ADGRE1: variants seen among roughly 807,000 people sequenced by gnomAD.
ADGRE1 encodes EGF-like module receptor 1.
Under a neutral mutation model 102.7 loss-of-function variants are expected in ADGRE1, and 82 were observed. That is an observed-to-expected ratio of 0.80 (90% CI 0.67 to 0.96). The LOEUF (loss-of-function observed/expected upper bound fraction) is 0.96, where lower values mean the gene tolerates loss of function less well. Ranked by LOEUF, ADGRE1 falls within the 40% of genes least tolerant of loss-of-function variation. ADGRE1 has a pLI of 0.00. For synonymous variants in ADGRE1, 398 were observed against 399.6 expected, an observed-to-expected ratio of 1.00 and a Z score of 0.05; for missense variants, 1,032 against 1,085.3, an observed-to-expected ratio of 0.95 and a Z score of 0.69.
At chr19:6,896,340 T>C (rs1599714112) in intron 2 of ADGRE1, 58 bp from the exon 3 acceptor site, 1 of 1,572,280 alleles carries the variant, frequency 6.4e-7, no homozygotes, top group East Asian at 2.3e-5. Flanking sequence ...CTGGGTTCCC[T>C]TGCAGCCTCA....
At chr19:6,919,481 T>TGTGTGTGTGTGTGTGTGTGTG (rs1599748096) in intron 12 of ADGRE1, 67 bp from the exon 13 acceptor site, 45 of 1,016,130 alleles carry the variant, frequency 4.4e-5, no homozygotes, top group South Asian at 6.7e-5. Flanking sequence ...TGTGTGTGTG[T>TGTGTGTGTGTGTGTGTGTGTG]TGGGTCTTCT....
intron 2 of ADGRE1, chr19:6,896,163 C>T (rs979452774): frequency 2.0e-5 from 9 of 446,880 alleles, no homozygotes; most frequent in African/African-American, 1.4e-4. Flanking sequence ...ACACCTGTGG[C>T]CCACCCTACT....
rs757912963 is a variant in ADGRE1 at position 6,924,793 on chromosome 19, A to T, written c.1907A>T (p.Tyr636Phe). The T allele has an allele frequency of 6.2e-7, 1 of 1,613,404 alleles. No homozygotes were observed. Among genetic ancestry groups the T allele is most frequent in the East Asian group, 2.2e-5 (1 of 44,808 alleles). The part of the protein sequence containing the change: ...LCRSIRNHNT[Y>F]LHLHLCVCLL... ...CGCTCCATCCGAAATCACAACACCT[A>T]CCTCCACCTGCACCTCTGCGTGTGT... The change falls in exon 15 of 21, where the codon TAC (tyrosine) becomes TTC (phenylalanine). Residue 636 changes from tyrosine (Y) to phenylalanine (F), a missense_variant. Physicochemically the swap from Tyr to Phe is conservative, Grantham distance 22. Transcript: ENST00000312053.
intron 3 of ADGRE1, 182 bp from the exon 4 acceptor site, chr19:6,896,967 A>G (rs914140366): frequency 2.2e-5 from 14 of 628,196 alleles, no homozygotes; most frequent in African/African-American, 1.3e-4. Context: ...CACTTCCACC[A>G]TAGTCACAAG....
intron 12 of ADGRE1, among the ~76,000 whole-genome samples, chr19:6,918,302 G>A (rs947949722): frequency 2.0e-5 from 3 of 152,068 alleles, no homozygotes; most frequent in African/African-American, 7.2e-5. Flanking sequence ...TTAGCTGGGT[G>A]TGGTCTCGGG....
chr19:6,908,120 G>A lies in ADGRE1; in HGVS notation c.1039-569G>A, dbSNP rs540120269. ...CAGGGCGGAAAAATCGCTTAAAGGC[G>A]TTCTTAAACCACAAACAATAGCATG... is the stretch of plus-strand genomic sequence containing the variant. On this transcript the variant is annotated intron_variant, in intron 9 of 20. Coordinates refer to ENST00000312053, the MANE Select transcript of ADGRE1 (RefSeq NM_001974.5). Among the ~76,000 whole-genome samples, 12 of 152,354 alleles carry A rather than the reference G, an allele frequency of 7.9e-5. No homozygotes were observed. The South Asian group carries it at 1.2e-3, about 16-fold the overall frequency.
In ADGRE1 at chr19:6,924,924, G is replaced by A. The variant is rs1309221339; in HGVS notation, c.1986+52G>A. 18 of 1,583,882 alleles carry A rather than the reference G, an allele frequency of 1.1e-5. No homozygotes were observed. In the East Asian group the frequency reaches 4.0e-4, roughly 35 times the overall value. ...ACCAAGCCCCATCTTCTCCCCACCT[G>A]CCTCAGCTCATTCCTAGCCAACTCC... On this transcript the variant is annotated intron_variant, in intron 15 of 20. Transcript: ENST00000312053.
intron 14 of ADGRE1, among the ~76,000 whole-genome samples, chr19:6,924,305 T>C (rs1228368193): frequency 6.6e-6 from 1 of 152,110 alleles, no homozygotes; most frequent in East Asian, 1.9e-4. Flanking sequence ...GGAATTAGGC[T>C]CACTCCTGTC....
At chr19:6,897,071 CTTTT>C (rs11397719) in intron 3 of ADGRE1, 74 bp from the exon 4 acceptor site, 1,497 of 774,028 alleles carry the variant, frequency 1.9e-3, no homozygotes, top group Non-Finnish European at 2.1e-3. Context: ...ATTGTTTTAA[CTTTT>C]TTTTTTTTTT....
At chr19:6,907,491 C>A (rs187563345) in intron 9 of ADGRE1, among the ~76,000 whole-genome samples, 1 of 152,006 alleles carries the variant, frequency 6.6e-6, no homozygotes, top group Non-Finnish European at 1.5e-5. Flanking sequence ...AGGCACCCAC[C>A]ACCATGCCTG....
intron 17 of ADGRE1, among the ~76,000 whole-genome samples, chr19:6,932,764 C>T (rs1313137471): frequency 6.6e-6 from 1 of 152,188 alleles, no homozygotes; most frequent in Non-Finnish European, 1.5e-5. Flanking sequence ...CTGTACCAGC[C>T]AACTTTCTAC....
At chr19:6,910,412 A>C (rs947024697) in intron 10 of ADGRE1, among the ~76,000 whole-genome samples, 2 of 152,130 alleles carry the variant, frequency 1.3e-5, no homozygotes, top group African/African-American at 4.8e-5. Flanking sequence ...CGAATCTATA[A>C]ATATAATAAT....
chr19:6,902,232 A>G (rs1253319409), intron 6 of ADGRE1, among the ~76,000 whole-genome samples: 2 of 152,114 alleles, frequency 1.3e-5, no homozygotes, highest in Non-Finnish European at 2.9e-5. Flanking sequence ...AGTAAATAAC[A>G]TCTCCAAATA....
chr19:6,917,529 G>A (rs1315401738), intron 12 of ADGRE1, among the ~76,000 whole-genome samples: 10 of 152,060 alleles, frequency 6.6e-5, no homozygotes, highest in Middle Eastern at 3.4e-3. Flanking sequence ...ACCTGAGGTT[G>A]GGAGTTCGAG....
chr19:6,930,782 T>C (rs780844644), intron 17 of ADGRE1, among the ~76,000 whole-genome samples: 1 of 151,964 alleles, frequency 6.6e-6, no homozygotes, highest in African/African-American at 2.4e-5. Context: ...GGATTACAGG[T>C]GTGCGCCACC....
Position 6,894,186 on chromosome 19 carries a change from G to C in ADGRE1, c.95-2212G>C, listed in dbSNP as rs536527816. Among the ~76,000 whole-genome samples the C allele has an allele frequency of 1.7e-4, 26 of 152,224 alleles. No individual in the cohort carries two copies. In the South Asian group the frequency reaches 2.9e-3, roughly 17 times the overall value. On this transcript the variant is annotated intron_variant, in intron 2 of 20. Transcript: ENST00000312053. ...CGCCATGGACCATAACATATTCACA[G>C]GTTCCAGGGATTAGGACATGGTCCT...
rs551051745 is a variant in ADGRE1, at chr19:6,888,842, G to T, written c.31+1203G>T. 6.8e-4 allele frequency among the ~76,000 whole-genome samples: 104 copies of T among 152,330 alleles called. 5 individuals are homozygous for T. In the South Asian group the frequency reaches 0.019, roughly 28 times the overall value. On this transcript the variant is annotated intron_variant, in intron 1 of 20. Transcript: ENST00000312053. ...AATAGGTGGCCTGTGGACATCAAATGTAGGCATGCAGAGTTGTTATTTTGG... is the reference window on the plus strand; with the variant it reads ...AATAGGTGGCCTGTGGACATCAAATTTAGGCATGCAGAGTTGTTATTTTGG...
intron 17 of ADGRE1, among the ~76,000 whole-genome samples, chr19:6,933,667 A>G (rs12460744): frequency 0.53 from 80,230 of 151,864 alleles, 23,314 homozygotes; most frequent in African/African-American, 0.77. Flanking sequence ...GATTACAGGC[A>G]TGAGCCACCG....
At chr19:6,937,177 G>T in intron 18 of ADGRE1, 66 bp from the exon 19 acceptor site, 1 of 1,541,034 alleles carries the variant, frequency 6.5e-7, no homozygotes, top group South Asian at 1.2e-5. Flanking sequence ...ACCATTCCTG[G>T]AAGTGTGGCC....
Sources: gnomAD v4.1 joint callset for allele counts (sites outside exome capture counted in the v4.1 genomes callset) on GRCh38, gnomAD v4.1.1 for gene constraint, MANE v1.5 for transcripts, NCBI Gene and HGNC (gene_info 2026-07-23, HGNC 2026-07-21) for gene names.